PPP2R3A: variants seen among roughly 807,000 people sequenced by gnomAD.
The protein encoded by PPP2R3A is protein phosphatase 2 regulatory subunit B''alpha, also known as serine/threonine-protein phosphatase 2A regulatory subunit B'' subunit alpha.
In PPP2R3A, 80 loss-of-function variants were observed where a neutral mutation model predicts 106.9. That is an observed-to-expected ratio of 0.75 (90% CI 0.62 to 0.90). The LOEUF (loss-of-function observed/expected upper bound fraction) is 0.90, where lower values mean the gene tolerates loss of function less well. PPP2R3A is among the 40% of genes least tolerant of loss of function. The pLI, the probability that PPP2R3A is intolerant of heterozygous loss-of-function variation, is 0.00. For synonymous variants in PPP2R3A, 483 were observed against 468.3 expected (o/e 1.03, Z -0.41); for missense variants, 1,386 against 1,350.4 (o/e 1.03, Z -0.41).
At chr3:136,060,545 C>G (rs920988368) in intron 5 of PPP2R3A, among the ~76,000 whole-genome samples, 1 of 152,102 alleles carries the variant, frequency 6.6e-6, no homozygotes, top group Non-Finnish European at 1.5e-5. Context: ...GCACCTCCCC[C>G]TTGTTCTCTG....
At chr3:136,069,123 A>G (rs1368490859) in intron 5 of PPP2R3A, among the ~76,000 whole-genome samples, 1 of 152,220 alleles carries the variant, frequency 6.6e-6, no homozygotes, top group Non-Finnish European at 1.5e-5. Context: ...ACATTAGTGG[A>G]AAAACTAGTG....
At chr3:136,104,891 A>G (rs150717970) in intron 12 of PPP2R3A, among the ~76,000 whole-genome samples, 1,692 of 152,216 alleles carry the variant, frequency 0.011, 33 homozygotes, top group East Asian at 0.048. Context: ...TTCCCTCTTC[A>G]CTTATTTTCT....
rs568485818 is a variant in PPP2R3A at position 136,051,987 on chromosome 3, T to C, written c.2469+2626T>C. On this transcript the variant is annotated intron_variant, in intron 5 of 13. Coordinates refer to ENST00000264977, the MANE Select transcript of PPP2R3A (RefSeq NM_002718.5). ...ATTATCCTTAGACTCACCTGCTACA[T>C]GGTTTTGTTCCCCTAAAAAAAATAC... Among the ~76,000 whole-genome samples the C allele has an allele frequency of 2.6e-5, 4 of 152,350 alleles. No individual in the cohort carries two copies. The East Asian group carries it at 7.7e-4, about 29-fold the overall frequency.
intron 13 of PPP2R3A, among the ~76,000 whole-genome samples, chr3:136,122,998 G>A (rs957098355): frequency 2.0e-5 from 3 of 152,064 alleles, no homozygotes; most frequent in African/African-American, 7.2e-5. Context: ...AGCAAACTAA[G>A]ATAAGTAACT....
chr3:136,031,805 G>T (rs1934900233), intron 3 of PPP2R3A, among the ~76,000 whole-genome samples: 1 of 152,190 alleles, frequency 6.6e-6, no homozygotes, highest in African/African-American at 2.4e-5. Flanking sequence ...TCAAAGATCA[G>T]TTGGCTGTAA....
At position 136,027,024 on chromosome 3, in the gene PPP2R3A, A is replaced by G; in HGVS notation, c.2188A>G (p.Ser730Gly). ...DTCSNHEQTLSRIETAFMDIE... is the reference protein window; with the variant it reads ...DTCSNHEQTLGRIETAFMDIE... ...CTGTAGTAATCATGAACAAACTCTA[A>G]GCAGAATTGAAACTGCTTTCATGGA... is the stretch of plus-strand genomic sequence containing the variant. Residue 730 changes from serine (S) to glycine (G), a missense_variant, in exon 3 of 14, where the codon AGC (serine) becomes GGC (glycine). Physicochemically the swap from Ser to Gly is moderately conservative, Grantham distance 56. Transcript: ENST00000264977. 1 of 1,613,144 alleles carries G rather than the reference A, an allele frequency of 6.2e-7. No homozygotes were observed. The highest frequency in any genetic ancestry group is 8.5e-7 in the Non-Finnish European group (1 of 1,179,158).
At chr3:136,030,825 T>TGTATGTAC (rs1422329305) in intron 3 of PPP2R3A, among the ~76,000 whole-genome samples, 3 of 142,364 alleles carry the variant, frequency 2.1e-5, no homozygotes, top group Non-Finnish European at 4.5e-5. Context: ...TATGTATGTA[T>TGTATGTAC]ACACACACAC....
intron 13 of PPP2R3A, 39 bp from the exon 14 acceptor site, chr3:136,144,998 TTTAATC>T (rs760748367): frequency 8.8e-5 from 140 of 1,588,258 alleles, no homozygotes; most frequent in Non-Finnish European, 1.1e-4. Flanking sequence ...CTACCCAAAC[TTTAATC>T]AATCAATCAG....
At chr3:136,068,388 C>T (rs143735202) in intron 5 of PPP2R3A, among the ~76,000 whole-genome samples, 1,985 of 152,208 alleles carry the variant, frequency 0.013, 41 homozygotes, top group African/African-American at 0.044. Flanking sequence ...CATGGTGGCA[C>T]ACGCCTGTAA....
chr3:135,969,696 C>T (rs1238124215), intron 1 of PPP2R3A, among the ~76,000 whole-genome samples: 1 of 152,108 alleles, frequency 6.6e-6, no homozygotes, highest in African/African-American at 2.4e-5. Context: ...GAATCTGACT[C>T]ACAGATGTTT....
At chr3:136,075,754 T>C (rs1258391878) in intron 6 of PPP2R3A, among the ~76,000 whole-genome samples, 1 of 152,216 alleles carries the variant, frequency 6.6e-6, no homozygotes, top group East Asian at 1.9e-4. Flanking sequence ...ACTCATACTT[T>C]AAGATAAATT....
At chr3:135,969,419 G>A (rs974466206) in intron 1 of PPP2R3A, among the ~76,000 whole-genome samples, 7 of 152,216 alleles carry the variant, frequency 4.6e-5, no homozygotes, top group Non-Finnish European at 1.0e-4. Context: ...ATGACTCCCA[G>A]GGTTCTAGCT....
chr3:136,065,953 G>T (rs1282749201), intron 5 of PPP2R3A, among the ~76,000 whole-genome samples: 1 of 152,180 alleles, frequency 6.6e-6, no homozygotes, highest in Non-Finnish European at 1.5e-5. Flanking sequence ...GGAATTGCAG[G>T]TGAATCACTG....
chr3:136,126,950 CAG>C (rs1438307863), intron 13 of PPP2R3A, among the ~76,000 whole-genome samples: 1 of 152,116 alleles, frequency 6.6e-6, no homozygotes. Flanking sequence ...AACTAACAAA[CAG>C]AAAGGAATAG....
chr3:136,139,691 CAA>C (rs778189558), intron 13 of PPP2R3A, among the ~76,000 whole-genome samples: 67 of 54,730 alleles, frequency 1.2e-3, no homozygotes, highest in African/African-American at 3.4e-3. Flanking sequence ...GACTCCATCT[CAA>C]AAAAAAAAAA....
intron 1 of PPP2R3A, among the ~76,000 whole-genome samples, chr3:135,973,999 A>C (rs1035904231): frequency 6.6e-6 from 1 of 152,094 alleles, no homozygotes; most frequent in Non-Finnish European, 1.5e-5. Context: ...CAAGCTCACC[A>C]CTGACCTTCA....
chr3:136,076,654 T>C (rs1936605175), intron 6 of PPP2R3A, among the ~76,000 whole-genome samples: 1 of 152,072 alleles, frequency 6.6e-6, no homozygotes. Flanking sequence ...ACCTGATATA[T>C]AGAAAGCACC....
In PPP2R3A at chr3:136,087,875, A is replaced by G. The variant is rs1936994664; in HGVS notation, c.2789-8A>G. 2 of 1,603,722 alleles carry G rather than the reference A, an allele frequency of 1.2e-6. No individual in the cohort carries two copies. Among genetic ancestry groups the G allele is most frequent in the African/African-American group, 1.3e-5 (1 of 74,292 alleles). On this transcript the variant is annotated splice_region_variant and splice_polypyrimidine_tract_variant and intron_variant, in intron 8 of 13. Transcript: ENST00000264977. ...TAGCTTTGCAATTTTTTTTTTATCT[A>G]CATTTAGCTTCATCAAGCAGGATTA...
At chr3:136,118,408 A>G (rs1030118318) in intron 13 of PPP2R3A, among the ~76,000 whole-genome samples, 2 of 152,252 alleles carry the variant, frequency 1.3e-5, no homozygotes, top group Non-Finnish European at 2.9e-5. Flanking sequence ...AATAAATGGT[A>G]TTCAAATAGG....
Sources: gnomAD v4.1 joint callset for allele counts (sites outside exome capture counted in the v4.1 genomes callset) on GRCh38, gnomAD v4.1.1 for gene constraint, MANE v1.5 for transcripts, NCBI Gene and HGNC (gene_info 2026-07-23, HGNC 2026-07-21) for gene names.